WDR70: variants seen among roughly 807,000 people sequenced by gnomAD.
WDR70 encodes WD repeat domain 70, also known as WD repeat-containing protein 70.
WDR70 carries 53 observed loss-of-function variants against 88.6 expected under a neutral mutation model. That is an observed-to-expected ratio of 0.60 (90% confidence interval 0.48 to 0.75). The LOEUF is 0.75. Among genes scored for constraint, WDR70 ranks in the 30% least tolerant of loss-of-function variants. The pLI is 0.00. For missense variants in WDR70, 610 were observed against 823.2 expected, an observed-to-expected ratio of 0.74 and a Z score of 3.17; for synonymous variants, 280 against 270.0, an observed-to-expected ratio of 1.04 and a Z score of -0.36.
At chr5:37,502,917 C>T (rs1334738131) in intron 8 of WDR70, among the ~76,000 whole-genome samples, 2 of 152,186 alleles carry the variant, frequency 1.3e-5, no homozygotes, top group African/African-American at 4.8e-5. Flanking sequence ...CCCCATGATC[C>T]AAACACCTCT....
chr5:37,735,746 C>T (rs1045036306), intron 17 of WDR70, among the ~76,000 whole-genome samples: 1 of 152,108 alleles, frequency 6.6e-6, no homozygotes, highest in East Asian at 1.9e-4. Context: ...TCGTAAAGGT[C>T]ACTGTAATTG....
intron 9 of WDR70, among the ~76,000 whole-genome samples, chr5:37,562,317 T>C (rs549715957): frequency 2.0e-5 from 3 of 152,200 alleles, no homozygotes; most frequent in South Asian, 4.1e-4. Flanking sequence ...GATAACACCA[T>C]TGTGCTCCAG....
intron 9 of WDR70, among the ~76,000 whole-genome samples, chr5:37,554,061 GTTAA>G (rs1561899317): frequency 6.7e-6 from 1 of 149,560 alleles, no homozygotes; most frequent in East Asian, 2.0e-4. Context: ...GATCCATTTG[GTTAA>G]TTAATTTGTT....
intron 5 of WDR70, among the ~76,000 whole-genome samples, chr5:37,416,266 C>T (rs1382078760): frequency 1.3e-5 from 2 of 152,180 alleles, no homozygotes; most frequent in Non-Finnish European, 2.9e-5. Flanking sequence ...CCCGGCACCT[C>T]GGGAGGCCGA....
chr5:37,547,953 C>G (rs888196330), intron 9 of WDR70, among the ~76,000 whole-genome samples: 7 of 152,100 alleles, frequency 4.6e-5, no homozygotes, highest in Non-Finnish European at 8.8e-5. Context: ...CAGTTCCATC[C>G]ATGTTGTTAC....
chr5:37,737,816 T>C (rs929915671), intron 17 of WDR70, among the ~76,000 whole-genome samples: 2 of 152,134 alleles, frequency 1.3e-5, no homozygotes, highest in African/African-American at 4.8e-5. Flanking sequence ...TCTCTTTCTT[T>C]GTTTCCTATT....
intron 9 of WDR70, among the ~76,000 whole-genome samples, chr5:37,597,192 A>T (rs914705586): frequency 1.3e-5 from 2 of 152,148 alleles, no homozygotes; most frequent in African/African-American, 2.4e-5. Flanking sequence ...TAAAAAATAA[A>T]TTTTCATTTA....
chr5:37,681,773 G>A lies in WDR70; in HGVS notation c.1093-15882G>A, dbSNP rs191245849. Among the ~76,000 whole-genome samples the A allele has an allele frequency of 2.6e-5, 4 of 152,290 alleles. No homozygotes were observed. In the East Asian group the frequency reaches 7.7e-4, roughly 29 times the overall value. Reference sequence around the variant, plus strand: ...TAAATCAACCTGGCATCTAGGGGATGAGGCCTGCTTGATTGTGGTGGATAA... The same window carrying A: ...TAAATCAACCTGGCATCTAGGGGATAAGGCCTGCTTGATTGTGGTGGATAA... On this transcript the variant is annotated intron_variant, in intron 10 of 17. Coordinates refer to ENST00000265107, the MANE Select transcript of WDR70 (RefSeq NM_018034.4).
chr5:37,606,121 A>T (rs1744024366), intron 10 of WDR70, among the ~76,000 whole-genome samples: 1 of 152,136 alleles, frequency 6.6e-6, no homozygotes, highest in African/African-American at 2.4e-5. Context: ...CATATATTCC[A>T]CCTTTGTCTA....
chr5:37,484,423 C>T (rs1463665198), intron 8 of WDR70, among the ~76,000 whole-genome samples: 3 of 152,176 alleles, frequency 2.0e-5, no homozygotes, highest in African/African-American at 4.8e-5. Context: ...GGCGTGGCGG[C>T]GCGCGCCTGC....
At chr5:37,560,873 G>A (rs574105907) in intron 9 of WDR70, among the ~76,000 whole-genome samples, 190 of 144,980 alleles carry the variant, frequency 1.3e-3, no homozygotes, top group Non-Finnish European at 2.1e-3. Context: ...TTGCACTAGT[G>A]CAATAATAGC....
chr5:37,679,166 C>T (rs1746338395), intron 10 of WDR70, among the ~76,000 whole-genome samples: 1 of 152,056 alleles, frequency 6.6e-6, no homozygotes, highest in Non-Finnish European at 1.5e-5. Context: ...ACTTCTTTGC[C>T]TTTGGTTTGA....
At chr5:37,685,182 G>C (rs1746544961) in intron 10 of WDR70, among the ~76,000 whole-genome samples, 1 of 152,160 alleles carries the variant, frequency 6.6e-6, no homozygotes, top group Admixed American at 6.5e-5. Flanking sequence ...GACTGCAATG[G>C]TGGTATAGTG....
chr5:37,480,469 C>T (rs1391322995), intron 8 of WDR70, among the ~76,000 whole-genome samples: 1 of 152,130 alleles, frequency 6.6e-6, no homozygotes, highest in East Asian at 1.9e-4. Context: ...GGAGAGGCCT[C>T]ACAATCATGG....
chr5:37,602,133 G>A (rs1743902599), intron 9 of WDR70, among the ~76,000 whole-genome samples: 3 of 151,920 alleles, frequency 2.0e-5, no homozygotes, highest in Admixed American at 2.0e-4. Flanking sequence ...ACGGGATGAT[G>A]GGTGCAGCAA....
chr5:37,479,599 G>C (rs1252899014), intron 7 of WDR70: 2 of 353,844 alleles, frequency 5.7e-6, no homozygotes, highest in Non-Finnish European at 1.0e-5. Flanking sequence ...TTGAACTCCT[G>C]ACCTCAGGTG....
chr5:37,392,009 A>T lies in WDR70; in HGVS notation c.185A>T (p.Glu62Val), dbSNP rs560315842. 6.3e-7 allele frequency: 1 copy of T among 1,597,610 alleles called. No individual in the cohort carries two copies. Among genetic ancestry groups the T allele is most frequent in the Admixed American group, 1.9e-5 (1 of 54,028 alleles). The change falls in exon 4 of 18, where the codon GAA becomes GTA. Residue 62 changes from glutamate (E) to valine (V), a missense_variant. This residue lies in a region of WDR70 where 203 missense variants were observed against 228.1 expected (regional missense o/e 0.89). Transcript: ENST00000265107. ...TTTTTAATCTTTTCAGAAGCAAGAGAAAAAGAGGAAGAAATGAACAGAGAG... is the reference window on the plus strand; with the variant it reads ...TTTTTAATCTTTTCAGAAGCAAGAGTAAAAGAGGAAGAAATGAACAGAGAG... ...ERSRKTLEAR[E>V]KEEEMNREKE...
chr5:37,538,258 G>A (rs1437929928), intron 9 of WDR70, among the ~76,000 whole-genome samples: 2 of 152,076 alleles, frequency 1.3e-5, no homozygotes, highest in Non-Finnish European at 2.9e-5. Context: ...TTGGGCAACT[G>A]GAAGCTACAT....
chr5:37,505,660 G>A, intron 8 of WDR70: 1 of 807,074 alleles, frequency 1.2e-6, no homozygotes, highest in Non-Finnish European at 2.2e-6. Flanking sequence ...TTTTCATCTT[G>A]TACATCTTCC....
Sources: gnomAD v4.1 joint callset for allele counts (sites outside exome capture counted in the v4.1 genomes callset) on GRCh38, gnomAD v4.1.1 for gene constraint, gnomAD v4.1.1 regional missense constraint, MANE v1.5 for transcripts, NCBI Gene and HGNC (gene_info 2026-07-23, HGNC 2026-07-21) for gene names.